MAPK6: variants seen among roughly 807,000 people sequenced by gnomAD.
The protein encoded by MAPK6 is mitogen-activated protein kinase 6, also known as ERK-3.
In MAPK6, 19 loss-of-function variants were observed where a neutral mutation model predicts 59.3. The ratio of observed to expected loss-of-function variants is 0.32; its 90% CI spans 0.22 to 0.47. The LOEUF is 0.47. Among genes scored for constraint, MAPK6 ranks in the 20% least tolerant of loss-of-function variants. The probability of loss-of-function intolerance (pLI) is 1.00; values close to 1 mark genes in which losing one functional copy is unlikely to be tolerated. For missense variants in MAPK6, 724 were observed against 847.9 expected, an observed-to-expected ratio of 0.85 and a Z score of 1.81; for synonymous variants, 316 against 290.3, an observed-to-expected ratio of 1.09 and a Z score of -0.90.
upstream of MAPK6, among the ~76,000 whole-genome samples, chr15:52,015,296 C>T (rs2030202727): frequency 6.7e-6 from 1 of 150,346 alleles, no homozygotes; most frequent in East Asian, 2.0e-4. Context: ...CCACCGCACC[C>T]AGCCTACACC....
chr15:51,994,981 G>T (rs2057220469), intron 2 of MAPK6, among the ~76,000 whole-genome samples: 2 of 152,206 alleles, frequency 1.3e-5, no homozygotes, highest in South Asian at 2.1e-4. Context: ...TGATTGTGAT[G>T]ATTGTGCTGG....
At chr15:52,059,394 G>A (rs563547410) in intron 4 of MAPK6, among the ~76,000 whole-genome samples, 7 of 152,290 alleles carry the variant, frequency 4.6e-5, no homozygotes, top group Non-Finnish European at 7.4e-5. Flanking sequence ...TCCCACAGTG[G>A]TAGTATTACA....
At chr15:51,971,872 G>T in exon 1 of MAPK6, 1 of 993,634 alleles carries the variant, frequency 1.0e-6, no homozygotes, top group Non-Finnish European at 1.6e-6. Context: ...ACGTGACCTA[G>T]TTTTCGCTCG....
chr15:51,992,949 G>A (rs2057214404), intron 2 of MAPK6, among the ~76,000 whole-genome samples: 1 of 152,088 alleles, frequency 6.6e-6, no homozygotes, highest in African/African-American at 2.4e-5. Flanking sequence ...GTCCCTTTGG[G>A]TTTTTATGGG....
chr15:51,996,086 G>A (rs1277342963), intron 2 of MAPK6, among the ~76,000 whole-genome samples: 1 of 152,188 alleles, frequency 6.6e-6, no homozygotes, highest in Non-Finnish European at 1.5e-5. Flanking sequence ...TGGTCACCAG[G>A]CCTTTCTAAG....
chr15:52,058,870 CT>C, intron 4 of MAPK6, 73 bp downstream of exon 4: 1 of 1,296,838 alleles, frequency 7.7e-7, no homozygotes, highest in Non-Finnish European at 1.0e-6. Flanking sequence ...GAAGCTGGAG[CT>C]TTTTATCCTT....
chr15:52,066,802 T>A lies in MAPK6; in HGVS notation c.*1802T>A, dbSNP rs1193688884. 2 of 140,422 alleles carry A rather than the reference T, an allele frequency of 1.4e-5. No individual in the cohort carries two copies. The highest frequency in any genetic ancestry group is 3.2e-5 in the Non-Finnish European group (2 of 62,936). The allele number at this position is 140,422 out of a possible 1,614,324, so 8.7% of individuals were successfully genotyped here. A position where few individuals can be genotyped will look rare whatever the true frequency, so the allele number is the denominator to read the frequency against. ...TGTGTGTGTGTGTGTGTATATATAT[T>A]CATTTATTTATTTTCTGGTTGAATA... On this transcript the variant is annotated 3_prime_UTR_variant, in exon 6 of 6. Transcript: ENST00000261845.
chr15:51,991,146 TATACACACAC>T lies in MAPK6; in HGVS notation c.-770+7833_-770+7842del, dbSNP rs1420111727. ...TCCATCTCAAAAAGAAATATATATA[TATACACACAC>T]ACACACACACACACACACACACACA... On this transcript the variant is annotated intron_variant, in intron 2 of 7. Transcript: ENST00000691380. 8.3e-5 allele frequency among the ~76,000 whole-genome samples: 10 copies of T among 120,430 alleles called. No homozygotes were observed. The East Asian group carries it at 1.0e-3, about 12-fold the overall frequency. The allele number at this position is 120,430 out of a possible 152,430, so 79.0% of individuals were successfully genotyped here.
Position 52,065,234 on chromosome 15 carries a change from C to T in MAPK6, c.*234C>T, listed in dbSNP as rs1011797984. The T allele has an allele frequency of 7.5e-5, 30 of 402,508 alleles. No individual in the cohort carries two copies. Among genetic ancestry groups the T allele is most frequent in the African/African-American group, 4.9e-4 (24 of 48,736 alleles). The allele number at this position is 402,508 out of a possible 1,614,324, so 24.9% of individuals were successfully genotyped here. A position where few individuals can be genotyped will look rare whatever the true frequency, so the allele number is the denominator to read the frequency against. On this transcript the variant is annotated 3_prime_UTR_variant, in exon 6 of 6. Coordinates refer to ENST00000261845, the MANE Select transcript of MAPK6 (RefSeq NM_002748.4). Reference sequence around the variant, plus strand: ...AAGACTAGAGCAAAATAATGCAACGCAGGAGGAGAAAAGAAATGCACTAAG... The same window carrying T: ...AAGACTAGAGCAAAATAATGCAACGTAGGAGGAGAAAAGAAATGCACTAAG...
intron 1 of MAPK6, among the ~76,000 whole-genome samples, chr15:51,974,892 A>G (rs1211597680): frequency 1.3e-5 from 2 of 150,500 alleles, no homozygotes; most frequent in African/African-American, 2.4e-5. Context: ...TAATTTTTGT[A>G]TTTTTAGTAA....
chr15:52,032,974 C>T (rs528464083), intron 1 of MAPK6, among the ~76,000 whole-genome samples: 47 of 152,134 alleles, frequency 3.1e-4, no homozygotes, highest in African/African-American at 2.9e-4. Context: ...CGTGAGCCAC[C>T]GCGCCCGGCC....
intron 3 of MAPK6, among the ~76,000 whole-genome samples, chr15:52,013,696 T>C (rs1366461556): frequency 6.6e-6 from 1 of 152,134 alleles, no homozygotes; most frequent in Non-Finnish European, 1.5e-5. Context: ...CTCTGTTACT[T>C]GCAACAGAAA....
chr15:52,027,329 G>A (rs2030832694), intron 1 of MAPK6, among the ~76,000 whole-genome samples: 1 of 101,482 alleles, frequency 9.9e-6, no homozygotes, highest in Admixed American at 1.6e-4. Context: ...CAGGCTGGGT[G>A]ACAGAGCGAG....
chr15:52,032,245 C>CCT (rs1328671108), intron 1 of MAPK6, among the ~76,000 whole-genome samples: 1 of 138,108 alleles, frequency 7.2e-6, no homozygotes, highest in Admixed American at 8.0e-5. Flanking sequence ...GGCTGGAGTG[C>CCT]AGTGGTGCAA....
chr15:52,020,591 A>G (rs1055722969), intron 1 of MAPK6, among the ~76,000 whole-genome samples: 1 of 152,186 alleles, frequency 6.6e-6, no homozygotes, highest in African/African-American at 2.4e-5. Flanking sequence ...TTCCAATTGC[A>G]CATGTCCTCC....
At chr15:52,016,066 GCGCGCACACACACACACACACACACACA>G (rs1420765009), upstream of MAPK6, among the ~76,000 whole-genome samples, 23 of 44,338 alleles carry the variant, frequency 5.2e-4, no homozygotes, top group Non-Finnish European at 3.4e-4. Flanking sequence ...GCGCGCGCGC[GCGCGCACACACACACACACACACACACA>G]CACACACACA....
At chr15:52,048,463 C>G (rs968688491) in intron 2 of MAPK6, among the ~76,000 whole-genome samples, 1 of 151,270 alleles carries the variant, frequency 6.6e-6, no homozygotes, top group Non-Finnish European at 1.5e-5. Context: ...CCTAAAAATA[C>G]AAAATTAGCT....
chr15:52,061,481 C>T lies in MAPK6; in HGVS notation c.1048C>T (p.His350Tyr), dbSNP rs2032195268. 1 of 1,611,592 alleles carries T rather than the reference C, an allele frequency of 6.2e-7. No individual in the cohort carries two copies. The highest frequency in any genetic ancestry group is 2.2e-5 in the East Asian group (1 of 44,842). ...DILLMDETHS[H>Y]IYNWERYHDC... The stretch of plus-strand genomic sequence containing the variant: ...TTTGCTTATGGATGAAACTCACAGT[C>T]ACATTTATAACTGGGAAAGGTAAAT... The change falls in exon 5 of 6, where the codon CAC becomes TAC. Residue 350 changes from histidine to tyrosine, a missense_variant. By Grantham distance (83) the His-to-Tyr change is moderately conservative. Around this residue, in one of 4 missense-constraint regions of MAPK6, gnomAD observed 502 missense variants for 507.6 expected, o/e 0.99. Coordinates refer to ENST00000261845, the MANE Select transcript of MAPK6 (RefSeq NM_002748.4).
rs553552149 is a variant in MAPK6 at position 52,065,988 on chromosome 15, C to A, written c.*988C>A. The A allele has an allele frequency of 1.5e-3, 228 of 151,610 alleles. No individual in the cohort carries two copies. The highest frequency in any genetic ancestry group is 5.2e-3 in the African/African-American group (217 of 41,430). The allele number at this position is 151,610 out of a possible 1,614,324, so 9.4% of individuals were successfully genotyped here. A position where few individuals can be genotyped will look rare whatever the true frequency, so the allele number is the denominator to read the frequency against. On this transcript the variant is annotated 3_prime_UTR_variant, in exon 6 of 6. Coordinates refer to ENST00000261845, the MANE Select transcript of MAPK6 (RefSeq NM_002748.4). ...TAATTGTGTTTATTTTTTAAAAAAA[C>A]AAATGTTAGACTTGTGTGCATGGAA...
Sources: gnomAD v4.1 joint callset for allele counts (sites outside exome capture counted in the v4.1 genomes callset) on GRCh38, gnomAD v4.1.1 for gene constraint, gnomAD v4.1.1 regional missense constraint, MANE v1.5 for transcripts, NCBI Gene and HGNC (gene_info 2026-07-23, HGNC 2026-07-21) for gene names.